Variants in WDR64 observed in about 807,000 individuals in gnomAD.
WDR64 encodes WD repeat-containing protein 64.
A neutral mutation model predicts 139.3 loss-of-function variants in WDR64; 112 were observed. That is an observed-to-expected ratio of 0.80 (90% CI 0.69 to 0.94). The LOEUF is 0.94. Among genes scored for constraint, WDR64 ranks in the 40% least tolerant of loss-of-function variants. The pLI, the probability that WDR64 is intolerant of heterozygous loss-of-function variation, is 0.00. For missense variants in WDR64, 1,206 were observed against 1,293.1 expected (o/e 0.93, Z 1.03); for synonymous variants, 444 against 437.7 (o/e 1.01, Z -0.18).
At chr1:241,788,091 T>C (rs1659108151) in intron 24 of WDR64, 57 bp downstream of exon 24, 1 of 1,437,744 alleles carries the variant, frequency 7.0e-7, no homozygotes, top group African/African-American at 1.5e-5. Context: ...GTTGAGATGC[T>C]GTGGCACTGT....
chr1:241,771,633 T>C, intron 18 of WDR64, 28 bp from the exon 19 acceptor site: 1 of 1,464,774 alleles, frequency 6.8e-7, no homozygotes, highest in Non-Finnish European at 9.1e-7. Context: ...GTCATGGAAG[T>C]CTTTTCTCTT....
rs768005062 is a variant in WDR64 at position 241,741,502 on chromosome 1, T to C, written c.1322-14T>C. On this transcript the variant is annotated splice_polypyrimidine_tract_variant and intron_variant, in intron 11 of 27. Coordinates refer to ENST00000437684, the MANE Select transcript of WDR64 (RefSeq NM_001367482.1). ...TAATATTGCATATTTATGAGATTCT[T>C]ACTTCTGTTCCAGGATCTAGTGTTA... is the stretch of plus-strand genomic sequence containing the variant. 3 of 1,583,616 alleles carry C rather than the reference T, an allele frequency of 1.9e-6. No homozygotes were observed. Among genetic ancestry groups the C allele is most frequent in the Admixed American group, 3.8e-5 (2 of 52,168 alleles).
At position 241,773,004 on chromosome 1, in the gene WDR64, T is replaced by C. The variant is rs906383848; in HGVS notation, c.2430+73T>C. On this transcript the variant is annotated intron_variant, in intron 20 of 27. Transcript: ENST00000437684. ...AAAAGAATCATTAAATGAATCTTAG[T>C]GTTCTTCCATATGGCATCCAATTAT... is the stretch of plus-strand genomic sequence containing the variant. 3 of 1,463,604 alleles carry C rather than the reference T, an allele frequency of 2.0e-6. No homozygotes were observed. The African/African-American group carries it at 4.3e-5, about 21-fold the overall frequency. 90.7% of individuals were successfully genotyped at this position (1,463,604 alleles called of 1,614,324 possible).
At chr1:241,744,267 G>C (rs1669661657) in intron 12 of WDR64, 126 bp from the exon 13 acceptor site, 7 of 1,156,806 alleles carry the variant, frequency 6.1e-6, no homozygotes, top group Admixed American at 2.4e-5. Flanking sequence ...TCAGGGCAGA[G>C]CGCTAGGAAA....
chr1:241,687,000 T>C (rs1466950603), intron 7 of WDR64, among the ~76,000 whole-genome samples: 2 of 152,148 alleles, frequency 1.3e-5, no homozygotes, highest in African/African-American at 4.8e-5. Flanking sequence ...GTATGCTTGA[T>C]TATAAATAAA....
At chr1:241,713,496 C>T (rs768479842) in intron 9 of WDR64, among the ~76,000 whole-genome samples, 6 of 98,966 alleles carry the variant, frequency 6.1e-5, no homozygotes, top group South Asian at 5.9e-4. Flanking sequence ...AAAGAAGGAA[C>T]GGAAAGAAAA....
At chr1:241,673,587 AG>A (rs1271836853) in intron 3 of WDR64, among the ~76,000 whole-genome samples, 1 of 152,228 alleles carries the variant, frequency 6.6e-6, no homozygotes, top group Non-Finnish European at 1.5e-5. Flanking sequence ...CTGCACAAAA[AG>A]AGTAAAATGG....
chr1:241,747,995 A>G (rs182479904), intron 13 of WDR64, among the ~76,000 whole-genome samples: 1 of 152,292 alleles, frequency 6.6e-6, no homozygotes, highest in African/African-American at 2.4e-5. Context: ...GTCCATTCCC[A>G]TGCTCCTCAC....
At chr1:241,701,609 G>A (rs1037629336) in intron 8 of WDR64, among the ~76,000 whole-genome samples, 4 of 152,260 alleles carry the variant, frequency 2.6e-5, no homozygotes, top group South Asian at 4.1e-4. Context: ...TAATGTATTC[G>A]TCTGAGAAGA....
At position 241,796,212 on chromosome 1, in the gene WDR64, G is replaced by T. The variant is rs563842582; in HGVS notation, c.3079-45G>T. On this transcript the variant is annotated intron_variant, in intron 26 of 27. Coordinates refer to ENST00000437684, the MANE Select transcript of WDR64 (RefSeq NM_001367482.1). ...CAACTCCTGAATTCATATTACAGAA[G>T]TAATCACTTTGAGTGTGTCTCACTG... 16 of 1,422,246 alleles carry T rather than the reference G, an allele frequency of 1.1e-5. No homozygotes were observed. In the South Asian group the frequency reaches 1.9e-4, roughly 17 times the overall value. 88.1% of individuals were successfully genotyped at this position (1,422,246 alleles called of 1,614,324 possible).
intron 24 of WDR64, among the ~76,000 whole-genome samples, chr1:241,789,850 T>A (rs1373632624): frequency 3.3e-5 from 5 of 152,030 alleles, no homozygotes; most frequent in Admixed American, 2.6e-4. Flanking sequence ...TTTACCGAAA[T>A]AACAAACCTG....
Position 241,738,453 on chromosome 1 carries a change from A to G in WDR64, c.1285A>G (p.Met429Val). 1.2e-6 allele frequency: 2 copies of G among 1,613,514 alleles called. No homozygotes were observed. Among genetic ancestry groups the G allele is most frequent in the East Asian group, 2.2e-5 (1 of 44,832 alleles). Reference protein sequence around the residue: ...GGPGDMQIYSMIYDANHGMLI... With the variant: ...GGPGDMQIYSVIYDANHGMLI... ...ACCAGGAGACATGCAGATTTACTCT[A>G]TGATATATGATGCCAATCATGGCAT... is the stretch of plus-strand genomic sequence containing the variant. Residue 429 changes from methionine (M) to valine (V), a missense_variant, in exon 11 of 28, where the codon ATG (methionine) becomes GTG (valine). Met to Val is a conservative substitution (Grantham distance 21). Coordinates refer to ENST00000437684, the MANE Select transcript of WDR64 (RefSeq NM_001367482.1).
At chr1:241,754,882 C>G (rs991751815) in intron 14 of WDR64, among the ~76,000 whole-genome samples, 3 of 152,144 alleles carry the variant, frequency 2.0e-5, no homozygotes, top group African/African-American at 7.2e-5. Context: ...ATCCATAACC[C>G]TGCAAAGGAC....
intron 9 of WDR64, among the ~76,000 whole-genome samples, chr1:241,718,481 CA>C (rs1490991883): frequency 6.6e-6 from 1 of 151,962 alleles, no homozygotes; most frequent in Non-Finnish European, 1.5e-5. Context: ...ACTAAGGGCA[CA>C]AAGGTATCAG....
Position 241,652,402 on chromosome 1 carries a change from C to T in WDR64, c.-83C>T. The T allele has an allele frequency of 7.2e-7, 1 of 1,394,044 alleles. No homozygotes were observed. Among genetic ancestry groups the T allele is most frequent in the South Asian group, 1.4e-5 (1 of 70,992 alleles). 86.4% of individuals were successfully genotyped at this position (1,394,044 alleles called of 1,614,324 possible). On this transcript the variant is annotated 5_prime_UTR_variant, in exon 1 of 28. Coordinates refer to ENST00000437684, the MANE Select transcript of WDR64 (RefSeq NM_001367482.1). ...GGCAAAAACTGAGACAGCAGGGAGG[C>T]ACTGTAACAACTGGAAAGTTTTCCA...
chr1:241,772,031 G>C (rs1268406749), intron 19 of WDR64, among the ~76,000 whole-genome samples: 1 of 138,678 alleles, frequency 7.2e-6, no homozygotes, highest in African/African-American at 2.6e-5. Context: ...GGATTCAGTA[G>C]TCTAAATGGC....
In WDR64 at chr1:241,670,335, C is replaced by G. The variant is rs1385131434; in HGVS notation, c.277-739C>G. ...CCCACCAACAGGCATAAAAACTCCC[C>G]CAACAGGGATAAAGAAAAAAAAAAT... On this transcript the variant is annotated intron_variant, in intron 2 of 27. Transcript: ENST00000437684. Among the ~76,000 whole-genome samples the G allele has an allele frequency of 2.0e-5, 3 of 151,324 alleles. No homozygotes were observed. The South Asian group carries it at 6.3e-4, about 32-fold the overall frequency.
chr1:241,788,668 G>A (rs977508526), intron 24 of WDR64, among the ~76,000 whole-genome samples: 2 of 152,144 alleles, frequency 1.3e-5, no homozygotes, highest in African/African-American at 4.8e-5. Context: ...TTCAAAAGAT[G>A]GTAGAAGGGT....
intron 25 of WDR64, among the ~76,000 whole-genome samples, chr1:241,793,031 A>T (rs1349486043): frequency 6.6e-6 from 1 of 152,224 alleles, no homozygotes; most frequent in Non-Finnish European, 1.5e-5. Context: ...CATAAACTGG[A>T]ATACTATAGA....
Sources: allele counts gnomAD v4.1 joint callset (sites outside exome capture counted in the v4.1 genomes callset), GRCh38; gene constraint gnomAD v4.1.1; transcripts MANE v1.5; gene names NCBI Gene and HGNC (gene_info 2026-07-23, HGNC 2026-07-21).